The following NALCN variants were observed in gnomAD, a reference collection of about 807,000 sequenced individuals.
NALCN encodes sodium leak channel, non-selective.
Under a neutral mutation model 225.3 loss-of-function variants are expected in NALCN, and 111 were observed. The observed-to-expected ratio is 0.49, with a 90% confidence interval of 0.42 to 0.58. NALCN has a LOEUF of 0.58. Among genes scored for constraint, NALCN ranks in the 20% least tolerant of loss-of-function variants. The probability of loss-of-function intolerance (pLI) is 0.00; values close to 1 mark genes in which losing one functional copy is unlikely to be tolerated. For missense variants in NALCN, 1,378 were observed against 2,202.4 expected (o/e 0.63, Z 7.49); for synonymous variants, 764 against 769.0 (o/e 0.99, Z 0.11).
intron 7 of NALCN, among the ~76,000 whole-genome samples, chr13:101,312,456 G>T (rs1014193497): frequency 5.9e-5 from 9 of 151,678 alleles, no homozygotes; most frequent in East Asian, 3.9e-4. Context: ...TGATGTTAGG[G>T]TGTCAATTTT....
intron 10 of NALCN, among the ~76,000 whole-genome samples, chr13:101,279,834 A>AC (rs2043101572): frequency 1.0e-5 from 1 of 99,916 alleles, no homozygotes; most frequent in Admixed American, 1.2e-4. Context: ...AAATAAATAA[A>AC]TAAAATAAAT....
intron 39 of NALCN, among the ~76,000 whole-genome samples, chr13:101,067,606 T>C (rs1821863610): frequency 6.6e-6 from 1 of 152,186 alleles, no homozygotes; most frequent in South Asian, 2.1e-4. Context: ...GTCCCTTTGG[T>C]AGTTTCAGTG....
chr13:101,173,637 G>A (rs9518330), intron 15 of NALCN, among the ~76,000 whole-genome samples: 37,697 of 151,948 alleles, frequency 0.25, 5,397 homozygotes, highest in Non-Finnish European at 0.33. Context: ...TGTGGTAAAA[G>A]AAGCAAAAAG....
chr13:101,068,895 A>G lies in NALCN; in HGVS notation c.4198-68T>C, dbSNP rs568603370. 6.8e-6 allele frequency: 10 copies of G among 1,468,310 alleles called. No individual in the cohort carries two copies. The South Asian group carries it at 1.1e-4, about 16-fold the overall frequency. 91.0% of individuals were successfully genotyped at this position (1,468,310 alleles called of 1,614,324 possible). A position where few individuals can be genotyped will look rare whatever the true frequency, so the allele number is the denominator to read the frequency against. ...GAATACAAATTTCTTTTAGCTGACTATAGTTAATGAATAGATTCCTAAACA... is the reference window on the plus strand; with the variant it reads ...GAATACAAATTTCTTTTAGCTGACTGTAGTTAATGAATAGATTCCTAAACA... On this transcript the variant is annotated intron_variant, in intron 37 of 43. Coordinates refer to ENST00000251127, the MANE Select transcript of NALCN (RefSeq NM_052867.4).
At chr13:101,355,710 C>A (rs1287677874) in intron 6 of NALCN, among the ~76,000 whole-genome samples, 2 of 152,166 alleles carry the variant, frequency 1.3e-5, no homozygotes, top group Admixed American at 1.3e-4. Context: ...TAATGGACAT[C>A]TATAGAACTC....
chr13:101,277,988 G>A (rs1363322862), intron 10 of NALCN, among the ~76,000 whole-genome samples: 1 of 152,150 alleles, frequency 6.6e-6, no homozygotes, highest in Non-Finnish European at 1.5e-5. Flanking sequence ...GGTAGGACGT[G>A]TGGGTTTTTA....
intron 3 of NALCN, 144 bp downstream of exon 3, chr13:101,395,039 G>A: frequency 2.8e-6 from 2 of 706,926 alleles, no homozygotes; most frequent in Non-Finnish European, 4.3e-6. Context: ...AGTCTCTGGA[G>A]TTATGCCTTT....
intron 14 of NALCN, among the ~76,000 whole-genome samples, chr13:101,179,190 G>T (rs2039088106): frequency 1.3e-5 from 2 of 152,290 alleles, no homozygotes; most frequent in African/African-American, 4.8e-5. Flanking sequence ...TGGAGTCAGA[G>T]AGCTCAGGTA....
At chr13:101,382,422 A>AT (rs911717343) in intron 3 of NALCN, among the ~76,000 whole-genome samples, 30 of 150,064 alleles carry the variant, frequency 2.0e-4, no homozygotes, top group East Asian at 1.6e-3. Context: ...TAGCTTTTCA[A>AT]TTTTTTTTTT....
intron 1 of NALCN, among the ~76,000 whole-genome samples, chr13:101,415,642 T>C (rs1281123781): frequency 6.6e-6 from 1 of 152,202 alleles, no homozygotes; most frequent in Non-Finnish European, 1.5e-5. Flanking sequence ...TGGTGTTGCT[T>C]GGCAGGACAC....
rs772291752 is a variant in NALCN, at chr13:101,237,879, A to G, written c.1310T>C (p.Ile437Thr). The change falls in exon 12 of 44, where the codon ATA becomes ACA. Residue 437 changes from isoleucine to threonine, a missense_variant. Around this residue, in one of 19 missense-constraint regions of NALCN, gnomAD observed 144 missense variants for 187.7 expected, o/e 0.77. Transcript: ENST00000251127. ...VLFDLEALLKIWCLGFTGYIS... is the reference protein window; with the variant it reads ...VLFDLEALLKTWCLGFTGYIS... ...ATATCCAGTAAATCCCAAACACCAT[A>G]TCTTCAGAAGTGCTTCCAAATCAAA... 1.2e-6 allele frequency: 2 copies of G among 1,607,550 alleles called. No individual in the cohort carries two copies. Among genetic ancestry groups the G allele is most frequent in the Admixed American group, 3.4e-5 (2 of 58,928 alleles).
At chr13:101,180,384 T>A (rs375867863) in intron 14 of NALCN, 13 of 137,494 alleles carry the variant, frequency 9.5e-5, no homozygotes, top group African/African-American at 2.9e-4. Context: ...TTTTTTTTTT[T>A]TTTTATTTTT....
intron 10 of NALCN, among the ~76,000 whole-genome samples, chr13:101,259,332 A>T (rs192192313): frequency 1.3e-5 from 2 of 151,356 alleles, no homozygotes; most frequent in East Asian, 3.9e-4. Context: ...AGTATTATTT[A>T]TTATTATTAT....
intron 15 of NALCN, among the ~76,000 whole-genome samples, chr13:101,152,924 T>C (rs1192102441): frequency 6.6e-6 from 1 of 152,140 alleles, no homozygotes; most frequent in Non-Finnish European, 1.5e-5. Flanking sequence ...GTCAACTAGA[T>C]ACTTGGTTCT....
At chr13:101,059,530 A>G (rs1451198467) in intron 42 of NALCN, among the ~76,000 whole-genome samples, 2 of 152,192 alleles carry the variant, frequency 1.3e-5, no homozygotes, top group African/African-American at 4.8e-5. Context: ...AACTCTTTAG[A>G]CAAAAATAAA....
intron 17 of NALCN, among the ~76,000 whole-genome samples, chr13:101,140,069 G>T (rs772843947): frequency 5.3e-5 from 8 of 152,126 alleles, no homozygotes; most frequent in African/African-American, 9.7e-5. Context: ...AACCTAGATC[G>T]AATCAAAGCT....
intron 15 of NALCN, among the ~76,000 whole-genome samples, chr13:101,167,852 CA>C (rs1566372628): frequency 6.2e-5 from 6 of 96,498 alleles, no homozygotes; most frequent in African/African-American, 9.4e-5. Flanking sequence ...AAAACAAAAA[CA>C]AAAACTGTTA....
intron 6 of NALCN, among the ~76,000 whole-genome samples, chr13:101,357,363 A>T (rs2046094989): frequency 1.3e-5 from 2 of 152,138 alleles, no homozygotes; most frequent in Non-Finnish European, 1.5e-5. Context: ...GATGTGCAAA[A>T]ATCACAAGTA....
chr13:101,081,852 ACTAT>A (rs1304048960), intron 33 of NALCN, among the ~76,000 whole-genome samples: 2 of 152,234 alleles, frequency 1.3e-5, no homozygotes, highest in South Asian at 4.1e-4. Context: ...ACGTGCCTAC[ACTAT>A]CTATCTGTCT....
Sources: gnomAD v4.1 joint callset for allele counts (sites outside exome capture counted in the v4.1 genomes callset) on GRCh38, gnomAD v4.1.1 for gene constraint, gnomAD v4.1.1 regional missense constraint, MANE v1.5 for transcripts, NCBI Gene and HGNC (gene_info 2026-07-23, HGNC 2026-07-21) for gene names.